Variants in NAV2 observed in about 807,000 individuals in gnomAD.
The protein encoded by NAV2 is neuron navigator 2, also known as helicase, APC down-regulated 1.
A neutral mutation model predicts 223.2 loss-of-function variants in NAV2; 54 were observed. The observed-to-expected ratio is 0.24, with a 90% confidence interval of 0.19 to 0.30. The LOEUF (loss-of-function observed/expected upper bound fraction) is 0.30, where lower values mean the gene tolerates loss of function less well. Ranked by LOEUF, NAV2 falls within the 10% of genes least tolerant of loss-of-function variation. NAV2 has a pLI of 1.00. For missense variants in NAV2, 2,806 were observed against 3,147.5 expected, an observed-to-expected ratio of 0.89 and a Z score of 2.60; for synonymous variants, 1,279 against 1,239.3, an observed-to-expected ratio of 1.03 and a Z score of -0.67.
chr11:20,035,788 A>G (rs765382502), intron 11 of NAV2, among the ~76,000 whole-genome samples, 171 bp from the exon 12 acceptor site: 10 of 152,190 alleles, frequency 6.6e-5, no homozygotes, highest in Non-Finnish European at 1.3e-4. Context: ...CCAATCCCAG[A>G]CAGCAATGAT....
chr11:19,769,450 G>A (rs566856118), intron 1 of NAV2, among the ~76,000 whole-genome samples: 1 of 152,160 alleles, frequency 6.6e-6, no homozygotes, highest in Admixed American at 6.5e-5. Flanking sequence ...TGGACTTTTG[G>A]ATAGAGGGTG....
Position 19,713,368 on chromosome 11 carries a change from G to A in NAV2, c.-328G>A, listed in dbSNP as rs1172443557. ...GGGCGTCCAAGCCTCTGTTTCCCAGGAGGAAATTTGCAAGAGGCGGCAGCC... is the reference window on the plus strand; with the variant it reads ...GGGCGTCCAAGCCTCTGTTTCCCAGAAGGAAATTTGCAAGAGGCGGCAGCC... On this transcript the variant is annotated 5_prime_UTR_variant, in exon 1 of 38. Coordinates refer to ENST00000349880, the MANE Select transcript of NAV2 (RefSeq NM_145117.5). This position sits in a 1 kb window ranked among gnomAD's most constrained non-coding sequence, Gnocchi z 7.2. The A allele has an allele frequency of 2.6e-6, 3 of 1,168,222 alleles. No individual in the cohort carries two copies. Among genetic ancestry groups the A allele is most frequent in the Non-Finnish European group, 3.2e-6 (3 of 948,576 alleles). The allele number at this position is 1,168,222 out of a possible 1,614,324, so 72.4% of individuals were successfully genotyped here. A position where few individuals can be genotyped will look rare whatever the true frequency, so the allele number is the denominator to read the frequency against.
intron 10 of NAV2, among the ~76,000 whole-genome samples, chr11:19,959,471 G>T (rs1298050856): frequency 6.6e-6 from 1 of 152,228 alleles, no homozygotes; most frequent in Non-Finnish European, 1.5e-5. Flanking sequence ...ATTCTGGGAA[G>T]CCCACTGTGC....
chr11:19,491,979 GAGAGAGAA>G (rs1184643439), intron 1 of NAV2, among the ~76,000 whole-genome samples: 13 of 148,516 alleles, frequency 8.8e-5, no homozygotes, highest in African/African-American at 2.6e-4. Context: ...GAGAGAGAGA[GAGAGAGAA>G]AGAGAGATGG....
chr11:19,358,738 C>T (rs971859961), intron 1 of NAV2, among the ~76,000 whole-genome samples: 3 of 152,098 alleles, frequency 2.0e-5, no homozygotes, highest in Admixed American at 6.5e-5. Flanking sequence ...TTCCTTCAGA[C>T]CCCCTCTTCC....
intron 1 of NAV2, among the ~76,000 whole-genome samples, chr11:19,575,889 G>A (rs1230975235): frequency 3.3e-5 from 5 of 152,180 alleles, no homozygotes; most frequent in Non-Finnish European, 5.9e-5. Context: ...GACAAGGTGT[G>A]TTCCCTAGTT....
chr11:19,431,584 C>T (rs1013087300), intron 1 of NAV2, among the ~76,000 whole-genome samples: 4 of 152,210 alleles, frequency 2.6e-5, no homozygotes, highest in African/African-American at 9.6e-5. Flanking sequence ...GTGCTGACCC[C>T]ATCCTTCTTG....
At chr11:19,509,221 C>T (rs971307119) in intron 1 of NAV2, among the ~76,000 whole-genome samples, 1 of 152,168 alleles carries the variant, frequency 6.6e-6, no homozygotes, top group Admixed American at 6.5e-5. Context: ...TGTGCCAACT[C>T]ATTCACTTTC....
At chr11:19,702,473 T>A (rs2049535018) in intron 1 of NAV2, among the ~76,000 whole-genome samples, 2 of 152,134 alleles carry the variant, frequency 1.3e-5, no homozygotes, top group South Asian at 4.1e-4. Context: ...AGGGCTTGGT[T>A]CACAGCAGGG....
At chr11:20,006,461 G>T (rs145440111) in intron 11 of NAV2, among the ~76,000 whole-genome samples, 33 of 152,238 alleles carry the variant, frequency 2.2e-4, no homozygotes, top group Non-Finnish European at 4.3e-4. Flanking sequence ...TGGATCATGA[G>T]GCCAAGAGAT....
In NAV2 at chr11:19,436,411, CTG is replaced by C. The variant is rs200217010; in HGVS notation, c.75+85386_75+85387del. 4.6e-3 allele frequency among the ~76,000 whole-genome samples: 700 copies of C among 152,236 alleles called. 5 individuals are homozygous for C. The highest frequency in any genetic ancestry group is 0.016 in the African/African-American group (671 of 41,548). On this transcript the variant is annotated intron_variant, in intron 1 of 37. Coordinates refer to the NAV2 transcript ENST00000360655. ...AGATATGTGAATTTATTTCTGGGCT[CTG>C]TAGCCTATTCCATTGGTCTATGTGT...
At chr11:19,650,112 G>T (rs1260280061) in intron 1 of NAV2, among the ~76,000 whole-genome samples, 1 of 152,172 alleles carries the variant, frequency 6.6e-6, no homozygotes, top group Admixed American at 6.5e-5. Context: ...CTAACCTCTG[G>T]CACCTGTGAA....
intron 1 of NAV2, among the ~76,000 whole-genome samples, chr11:19,726,714 C>CTGGT (rs1192951312): frequency 6.6e-6 from 1 of 152,196 alleles, no homozygotes; most frequent in African/African-American, 2.4e-5. Context: ...GGTCTGTGGC[C>CTGGT]TGGTTGTAAT....
In NAV2 at chr11:19,713,169, T is replaced by C. The variant is rs1465206479; in HGVS notation, c.-527T>C. On this transcript the variant is annotated 5_prime_UTR_variant, in exon 1 of 38. Transcript: ENST00000349880. This position sits in a 1 kb window ranked among gnomAD's most constrained non-coding sequence, Gnocchi z 7.2. ...CTCGGTGGAGACGTCTTGGGACCCTTGCGCCCTTCTTCTCTCCTTCCTTCG... is the reference window on the plus strand; with the variant it reads ...CTCGGTGGAGACGTCTTGGGACCCTCGCGCCCTTCTTCTCTCCTTCCTTCG... Among the ~76,000 whole-genome samples the C allele has an allele frequency of 7.0e-6, 1 of 142,414 alleles. No homozygotes were observed. Among genetic ancestry groups the C allele is most frequent in the Admixed American group, 6.9e-5 (1 of 14,564 alleles). The allele number at this position is 142,414 out of a possible 152,430, so 93.4% of individuals were successfully genotyped here.
intron 5 of NAV2, among the ~76,000 whole-genome samples, chr11:19,885,681 A>T (rs1157964807): frequency 1.3e-5 from 2 of 152,182 alleles, no homozygotes; most frequent in African/African-American, 4.8e-5. Flanking sequence ...TAGGGTTAGG[A>T]GGATATTTTA....
At chr11:19,855,711 T>C (rs1462383770) in intron 3 of NAV2, among the ~76,000 whole-genome samples, 1 of 152,194 alleles carries the variant, frequency 6.6e-6, no homozygotes, top group East Asian at 1.9e-4. Flanking sequence ...GGAATTAAAG[T>C]ATTCCTCAGG....
intron 37 of NAV2, among the ~76,000 whole-genome samples, chr11:20,117,349 G>A (rs1377143080): frequency 6.6e-6 from 1 of 152,118 alleles, no homozygotes. Flanking sequence ...CTTACTATAT[G>A]CCAGGCCAGC....
At chr11:19,850,846 C>A (rs186161884) in intron 3 of NAV2, among the ~76,000 whole-genome samples, 250 of 152,196 alleles carry the variant, frequency 1.6e-3, no homozygotes, top group Admixed American at 4.4e-3. Context: ...TCATTTTATT[C>A]TCATAACCAT....
rs1172276633 is a variant in NAV2 at position 20,100,990 on chromosome 11, C to T, written c.6235C>T (p.Pro2079Ser). Residue 2079 changes from proline to serine, a missense_variant, in exon 32 of 38, where the codon CCC becomes TCC. Pro to Ser is a moderately conservative substitution (Grantham distance 74). Coordinates refer to ENST00000349880, the MANE Select transcript of NAV2 (RefSeq NM_145117.5). ...SLVFESLIPK[P>S]ILQRYVSLLI... ...GGTGTTTGAGTCCTTGATTCCCAAG[C>T]CCATCCTGCAGCGCTACGTCTCCCT... 5.0e-6 allele frequency: 8 copies of T among 1,614,118 alleles called. No individual in the cohort carries two copies. Among genetic ancestry groups the T allele is most frequent in the Non-Finnish European group, 6.8e-6 (8 of 1,180,026 alleles).
Sources: allele counts gnomAD v4.1 joint callset (sites outside exome capture counted in the v4.1 genomes callset), GRCh38; gene constraint gnomAD v4.1.1; non-coding constraint Gnocchi (gnomAD v3.1); transcripts MANE v1.5; gene names NCBI Gene and HGNC (gene_info 2026-07-23, HGNC 2026-07-21).